MCTP2: variants seen among roughly 807,000 people sequenced by gnomAD.
The protein encoded by MCTP2 is multiple C2 and transmembrane domain containing 2.
MCTP2 carries 132 observed loss-of-function variants against 111.6 expected under a neutral mutation model. The ratio of observed to expected loss-of-function variants is 1.18; its 90% CI spans 1.03 to 1.37. The LOEUF is 1.37. MCTP2 is among the 40% of genes most tolerant of loss of function. MCTP2 has a pLI of 0.00. For missense variants in MCTP2, 1,183 were observed against 1,067.9 expected, an observed-to-expected ratio of 1.11 and a Z score of -1.50; for synonymous variants, 395 against 387.7, an observed-to-expected ratio of 1.02 and a Z score of -0.22.
intron 17 of MCTP2, 35 bp downstream of exon 17, chr15:94,402,054 T>G: frequency 6.2e-7 from 1 of 1,602,912 alleles, no homozygotes; most frequent in Non-Finnish European, 8.5e-7. Context: ...ACTATTTGCT[T>G]CTTATTTGCA....
At chr15:94,244,895 C>T (rs1450254400) in intron 1 of MCTP2, among the ~76,000 whole-genome samples, 1 of 116,848 alleles carries the variant, frequency 8.6e-6, no homozygotes, top group Non-Finnish European at 2.1e-5. Flanking sequence ...TATATGTATA[C>T]ACATACATAT....
chr15:94,476,651 GAC>G, intron 21 of MCTP2, 43 bp from the exon 22 acceptor site: 1 of 906,078 alleles, frequency 1.1e-6, no homozygotes, highest in South Asian at 1.6e-5. Flanking sequence ...TAGATAGATA[GAC>G]AGACAGACAG....
intron 17 of MCTP2, among the ~76,000 whole-genome samples, chr15:94,430,891 T>C (rs183892785): frequency 1.1e-4 from 16 of 152,228 alleles, no homozygotes; most frequent in Admixed American, 3.9e-4. Context: ...TTTGCTCACT[T>C]ACTGCCCTCT....
At chr15:94,294,815 G>C (rs928540616) in intron 1 of MCTP2, among the ~76,000 whole-genome samples, 3 of 152,122 alleles carry the variant, frequency 2.0e-5, no homozygotes, top group African/African-American at 7.2e-5. Flanking sequence ...TAACACCAGG[G>C]AGATTGGTTG....
chr15:94,476,187 T>A (rs2074332724), intron 21 of MCTP2, among the ~76,000 whole-genome samples: 1 of 152,124 alleles, frequency 6.6e-6, no homozygotes, highest in Non-Finnish European at 1.5e-5. Flanking sequence ...AGAAAACAAC[T>A]CCCGCCCTCT....
At chr15:94,416,181 G>A (rs951049154) in intron 17 of MCTP2, among the ~76,000 whole-genome samples, 9 of 152,032 alleles carry the variant, frequency 5.9e-5, no homozygotes, top group African/African-American at 1.4e-4. Context: ...TAATATTTAC[G>A]TAGCTTCCGA....
At chr15:94,334,175 G>A (rs1478642393) in intron 4 of MCTP2, among the ~76,000 whole-genome samples, 5 of 152,212 alleles carry the variant, frequency 3.3e-5, no homozygotes, top group Admixed American at 3.3e-4. Flanking sequence ...TATCATTGAA[G>A]TATATTGGAT....
chr15:94,381,849 C>A (rs1567578968), intron 12 of MCTP2, among the ~76,000 whole-genome samples: 2 of 152,208 alleles, frequency 1.3e-5, no homozygotes, highest in Admixed American at 6.5e-5. Context: ...CCCCTGCAAA[C>A]CACATGGCCA....
rs149237812 is a variant in MCTP2, at chr15:94,298,381, G to A, written c.116G>A (p.Arg39Gln). The A allele has an allele frequency of 1.3e-3, 2,177 of 1,614,084 alleles. 3 individuals are homozygous for A. The highest frequency in any genetic ancestry group is 1.6e-3 in the Non-Finnish European group (1,894 of 1,180,002). The change falls in exon 2 of 23, where the codon CGG becomes CAG. Residue 39 changes from arginine to glutamine, a missense_variant. Coordinates refer to ENST00000357742, the MANE Select transcript of MCTP2 (RefSeq NM_001385001.1). ...KKNPSKPPDL[R>Q]ARHHLDRRLS... is the part of the protein sequence containing the mutation. Reference sequence around the variant, plus strand: ...AACCCAAGTAAGCCCCCAGATCTACGGGCAAGGCATCACTTGGACCGCCGT... The same window carrying A: ...AACCCAAGTAAGCCCCCAGATCTACAGGCAAGGCATCACTTGGACCGCCGT...
chr15:94,377,769 T>C (rs760861142), intron 12 of MCTP2, among the ~76,000 whole-genome samples: 17 of 152,198 alleles, frequency 1.1e-4, no homozygotes, highest in Non-Finnish European at 2.4e-4. Flanking sequence ...TGTTAATTCT[T>C]ATGGAAGGGA....
At chr15:94,322,891 A>G (rs1461340567) in intron 4 of MCTP2, among the ~76,000 whole-genome samples, 1 of 152,202 alleles carries the variant, frequency 6.6e-6, no homozygotes, top group Non-Finnish European at 1.5e-5. Context: ...GAAAGTGCTT[A>G]GAGGGTATGT....
At chr15:94,243,638 T>C (rs1261118246) in intron 1 of MCTP2, among the ~76,000 whole-genome samples, 6 of 148,852 alleles carry the variant, frequency 4.0e-5, no homozygotes, top group African/African-American at 1.5e-4. Context: ...TATGCGTATA[T>C]ACATATATAT....
chr15:94,335,607 A>C (rs2077323047), intron 4 of MCTP2, among the ~76,000 whole-genome samples: 1 of 152,252 alleles, frequency 6.6e-6, no homozygotes, highest in Admixed American at 6.5e-5. Context: ...CTCTGCATAT[A>C]ATCACTTATG....
At chr15:94,311,732 G>T (rs1046475162) in intron 2 of MCTP2, among the ~76,000 whole-genome samples, 1 of 152,156 alleles carries the variant, frequency 6.6e-6, no homozygotes, top group Non-Finnish European at 1.5e-5. Flanking sequence ...TGCTCACATT[G>T]AATTTCCTTG....
At chr15:94,425,718 G>A (rs28635443) in intron 17 of MCTP2, among the ~76,000 whole-genome samples, 1,871 of 152,184 alleles carry the variant, frequency 0.012, 37 homozygotes, top group African/African-American at 0.043. Context: ...TTCAGATGAG[G>A]CAGAGATTAA....
chr15:94,328,274 G>A (rs550897271), intron 4 of MCTP2, among the ~76,000 whole-genome samples: 13 of 151,756 alleles, frequency 8.6e-5, no homozygotes, highest in South Asian at 4.2e-4. Flanking sequence ...GACTACAGGT[G>A]CCCGCCACCA....
intron 16 of MCTP2, among the ~76,000 whole-genome samples, chr15:94,401,526 C>T (rs1442962712): frequency 6.6e-6 from 1 of 151,824 alleles, no homozygotes; most frequent in Non-Finnish European, 1.5e-5. Flanking sequence ...CTCTCTTTAT[C>T]TCTCTCTCTC....
Position 94,390,082 on chromosome 15 carries a change from A to ATG in MCTP2, c.1788+4558_1788+4559insGT, listed in dbSNP as rs1555464889. ...TATATATATATATATATATATATAT[A>ATG]TATATATGTATATATATATATATAT... On this transcript the variant is annotated intron_variant, in intron 14 of 22. Transcript: ENST00000357742. Among the ~76,000 whole-genome samples, 96 of 11,066 alleles carry ATG rather than the reference A, an allele frequency of 8.7e-3. 1 individual carries two copies. The highest frequency in any genetic ancestry group is 0.017 in the African/African-American group (86 of 5,086). The allele number at this position is 11,066 out of a possible 152,430, so 7.3% of individuals were successfully genotyped here. A position where few individuals can be genotyped will look rare whatever the true frequency, so the allele number is the denominator to read the frequency against.
intron 19 of MCTP2, among the ~76,000 whole-genome samples, chr15:94,443,910 C>G (rs897845436): frequency 7.8e-6 from 1 of 128,182 alleles, no homozygotes; most frequent in Non-Finnish European, 1.5e-5. Context: ...CTAGCGGTTT[C>G]TGAGTGATTA....
Sources: gnomAD v4.1 joint callset for allele counts (sites outside exome capture counted in the v4.1 genomes callset) on GRCh38, gnomAD v4.1.1 for gene constraint, MANE v1.5 for transcripts, NCBI Gene and HGNC (gene_info 2026-07-23, HGNC 2026-07-21) for gene names.